CHPT1: variants seen among roughly 807,000 people sequenced by gnomAD.
CHPT1 encodes cholinephosphotransferase 1.
In CHPT1, 36 loss-of-function variants were observed where a neutral mutation model predicts 47.6. The ratio of observed to expected loss-of-function variants is 0.76; its 90% confidence interval spans 0.58 to 1.00. CHPT1 has a LOEUF of 1.00. CHPT1 is among the 50% of genes least tolerant of loss of function. The pLI is 0.00. For synonymous variants in CHPT1, 194 were observed against 186.3 expected, an observed-to-expected ratio of 1.04 and a Z score of -0.33; for missense variants, 458 against 498.1, an observed-to-expected ratio of 0.92 and a Z score of 0.77.
chr12:101,716,854 A>T, intron 4 of CHPT1, 42 bp downstream of exon 4: 1 of 1,248,024 alleles, frequency 8.0e-7, no homozygotes, highest in Non-Finnish European at 1.1e-6. Flanking sequence ...TACTTTTCAA[A>T]TATTTAGGAA....
intron 1 of CHPT1, among the ~76,000 whole-genome samples, chr12:101,701,080 CTG>C (rs1191263037): frequency 6.6e-6 from 1 of 152,164 alleles, no homozygotes; most frequent in Non-Finnish European, 1.5e-5. Context: ...TAGAACATGA[CTG>C]GGGATAAAGG....
chr12:101,724,206 G>A (rs1230682539), intron 7 of CHPT1, among the ~76,000 whole-genome samples: 4 of 145,652 alleles, frequency 2.7e-5, no homozygotes, highest in African/African-American at 7.6e-5. Flanking sequence ...GTGACACAGC[G>A]AGACTGTGTC....
chr12:101,715,208 G>C (rs1181444671), intron 3 of CHPT1: 1 of 152,178 alleles, frequency 6.6e-6, no homozygotes, highest in African/African-American at 2.4e-5. Context: ...AGGAAATAGT[G>C]CACAAAGCAG....
chr12:101,714,113 A>G lies in CHPT1; in HGVS notation c.297A>G (p.Leu99=), dbSNP rs779297194. Residue 99 remains leucine, a synonymous_variant, in exon 2 of 9, where the codon TTA becomes TTG. Coordinates refer to ENST00000229266, the MANE Select transcript of CHPT1 (RefSeq NM_020244.3). Reference sequence around the variant, plus strand: ...AGGCACCATACTGGACATACCTTTTATGTGCACTGGGACTTTTTATTTACC... The same window carrying G: ...AGGCACCATACTGGACATACCTTTTGTGTGCACTGGGACTTTTTATTTACC... ...TEEAPYWTYL[L]CALGLFIYQS... The G allele has an allele frequency of 6.2e-7, 1 of 1,607,718 alleles. No homozygotes were observed. The highest frequency in any genetic ancestry group is 1.7e-5 in the Admixed American group (1 of 59,530).
At position 101,723,761 on chromosome 12, in the gene CHPT1, ACT is replaced by A; in HGVS notation, c.980_981del (p.Thr327SerfsTer15). On this transcript the variant is annotated frameshift_variant, in exon 7 of 9. Transcript: ENST00000229266. LOFTEE classifies it high-confidence loss of function. ...CAAAAGTGAACTATATCTTCAAGAC[ACT>A]GTCTTTTTGGGGCCAGGTCTTTTGT... ...MTKSELYLQD[T>X]VFLGPGLLFL... The A allele has an allele frequency of 6.3e-7, 1 of 1,593,534 alleles. No homozygotes were observed. Among genetic ancestry groups the A allele is most frequent in the Non-Finnish European group, 8.6e-7 (1 of 1,165,772 alleles).
chr12:101,712,195 T>C (rs76620073), intron 1 of CHPT1, among the ~76,000 whole-genome samples: 6,586 of 147,674 alleles, frequency 0.045, 631 homozygotes, highest in Non-Finnish European at 0.052. Flanking sequence ...CTAATTTTTA[T>C]ATCTTTTGTA....
At chr12:101,716,280 GACTATT>G (rs1307636935) in intron 3 of CHPT1, among the ~76,000 whole-genome samples, 1 of 152,144 alleles carries the variant, frequency 6.6e-6, no homozygotes, top group African/African-American at 2.4e-5. Flanking sequence ...CAATAAAGAA[GACTATT>G]GGAATTTTCC....
chr12:101,700,394 C>T (rs1220318764), intron 1 of CHPT1, among the ~76,000 whole-genome samples: 3 of 150,972 alleles, frequency 2.0e-5, no homozygotes, highest in African/African-American at 7.3e-5. Flanking sequence ...ATCAAATGGC[C>T]CAAGAAGGGT....
intron 1 of CHPT1, among the ~76,000 whole-genome samples, chr12:101,710,439 C>G (rs1338618430): frequency 6.7e-6 from 1 of 148,976 alleles, no homozygotes; most frequent in Admixed American, 6.8e-5. Context: ...TTACCTGTTC[C>G]AGGAACATGG....
intron 5 of CHPT1, 39 bp from the exon 6 acceptor site, chr12:101,723,129 T>G (rs1951882736): frequency 6.4e-7 from 1 of 1,565,256 alleles, no homozygotes. Flanking sequence ...ATAAATGCAG[T>G]GTTAAAATGT....
chr12:101,720,255 G>A lies in CHPT1; in HGVS notation c.780+1G>A. 2 of 1,591,426 alleles carry A rather than the reference G, an allele frequency of 1.3e-6. No homozygotes were observed. Among genetic ancestry groups the A allele is most frequent in the Non-Finnish European group, 1.7e-6 (2 of 1,171,374 alleles). Reference sequence around the variant, plus strand: ...TGGCAAGAATGGATCCACTATAGCAGTAAGGCAATAATTTCATCATTCAGT... The same window carrying A: ...TGGCAAGAATGGATCCACTATAGCAATAAGGCAATAATTTCATCATTCAGT... On this transcript the variant is annotated splice_donor_variant, in intron 5 of 8. Coordinates refer to ENST00000229266, the MANE Select transcript of CHPT1 (RefSeq NM_020244.3). LOFTEE classifies it high-confidence loss of function.
chr12:101,720,685 A>C (rs1182507628), intron 5 of CHPT1, among the ~76,000 whole-genome samples: 1 of 152,244 alleles, frequency 6.6e-6, no homozygotes, highest in East Asian at 1.9e-4. Context: ...TATTTAAAAG[A>C]ACTATTCTAA....
chr12:101,724,854 A>T (rs761200129), intron 7 of CHPT1, among the ~76,000 whole-genome samples: 1 of 152,218 alleles, frequency 6.6e-6, no homozygotes, highest in East Asian at 1.9e-4. Flanking sequence ...TAACACTTCA[A>T]TTACAAAGTT....
At chr12:101,705,708 T>G (rs1460358885) in intron 1 of CHPT1, among the ~76,000 whole-genome samples, 2 of 120,068 alleles carry the variant, frequency 1.7e-5, no homozygotes, top group Admixed American at 8.7e-5. Flanking sequence ...CTAACCACTC[T>G]GCAAGAAAAA....
chr12:101,704,244 G>A (rs76258107), intron 1 of CHPT1, among the ~76,000 whole-genome samples: 2,709 of 151,604 alleles, frequency 0.018, 39 homozygotes, highest in Non-Finnish European at 0.026. Context: ...TATAGTTCTA[G>A]TATTTCCTAG....
At position 101,729,024 on chromosome 12, in the gene CHPT1, T is replaced by G; in HGVS notation, c.*79T>G. 3 of 1,611,944 alleles carry G rather than the reference T, an allele frequency of 1.9e-6. No homozygotes were observed. The highest frequency in any genetic ancestry group is 2.5e-6 in the Non-Finnish European group (3 of 1,178,476). On this transcript the variant is annotated 3_prime_UTR_variant, in exon 9 of 9. Transcript: ENST00000229266. ...TATTAAACATTTGTTTAATTTTTATTTAAGTGTTATACCTATTTCAGCAAA... is the reference window on the plus strand; with the variant it reads ...TATTAAACATTTGTTTAATTTTTATGTAAGTGTTATACCTATTTCAGCAAA...
chr12:101,723,733 G>A lies in CHPT1; in HGVS notation c.951G>A (p.Met317Ile). ...KVSQKLVVAH[M>I]TKSELYLQDT... is the part of the protein sequence containing the mutation. ...TAATTTTTTTATAGGTAGCTCACATGACCAAAAGTGAACTATATCTTCAAG... is the reference window on the plus strand; with the variant it reads ...TAATTTTTTTATAGGTAGCTCACATAACCAAAAGTGAACTATATCTTCAAG... The change falls in exon 7 of 9, where the codon ATG becomes ATA. Residue 317 changes from methionine (M) to isoleucine (I), a missense_variant. Met to Ile is a conservative substitution (Grantham distance 10). Coordinates refer to ENST00000229266, the MANE Select transcript of CHPT1 (RefSeq NM_020244.3). 6.4e-7 allele frequency: 1 copy of A among 1,560,600 alleles called. No individual in the cohort carries two copies. The highest frequency in any genetic ancestry group is 8.7e-7 in the Non-Finnish European group (1 of 1,152,298).
At chr12:101,727,644 A>AT (rs1334848032) in intron 8 of CHPT1, 1 of 152,188 alleles carries the variant, frequency 6.6e-6, no homozygotes, top group Non-Finnish European at 1.5e-5. Flanking sequence ...TGGAGTACTT[A>AT]TTTTGCCTCT....
chr12:101,726,455 G>A, intron 8 of CHPT1, 51 bp downstream of exon 8: 1 of 1,600,122 alleles, frequency 6.2e-7, no homozygotes, highest in South Asian at 1.1e-5. Flanking sequence ...AGGAGATGAA[G>A]TTAGGGGAAT....
Sources: allele counts gnomAD v4.1 joint callset (sites outside exome capture counted in the v4.1 genomes callset), GRCh38; gene constraint gnomAD v4.1.1; transcripts MANE v1.5; gene names NCBI Gene and HGNC (gene_info 2026-07-23, HGNC 2026-07-21).